INO80B: variants seen among roughly 807,000 people sequenced by gnomAD.
INO80B encodes the protein INO80 complex subunit B.
A neutral mutation model predicts 31.4 loss-of-function variants in INO80B; 18 were observed. That is an observed-to-expected ratio of 0.57 (90% CI 0.40 to 0.85). INO80B has a LOEUF of 0.85. Among genes scored for constraint, INO80B ranks in the 40% least tolerant of loss-of-function variants. The probability of loss-of-function intolerance (pLI) is 0.00; values close to 1 mark genes in which losing one functional copy is unlikely to be tolerated. For missense variants in INO80B, 469 were observed against 475.4 expected (o/e 0.99, Z 0.13); for synonymous variants, 238 against 199.0 (o/e 1.20, Z -1.65).
chr2:74,455,533 G>T lies in INO80B; in HGVS notation c.186G>T (p.Pro62=), dbSNP rs1436794224. The T allele has an allele frequency of 6.2e-7, 1 of 1,614,016 alleles. No homozygotes were observed. The highest frequency in any genetic ancestry group is 8.5e-7 in the Non-Finnish European group (1 of 1,180,032). ...HQEEDAGPTQ[P]SPAKPQLKLK... ...AAGAAGACGCCGGGCCCACGCAGCC[G>T]TCCCCTGCCAAGCCTCAGCTCAAAC... Residue 62 remains proline, a synonymous_variant, in exon 2 of 5, where the codon CCG becomes CCT. Coordinates refer to ENST00000233331, the MANE Select transcript of INO80B (RefSeq NM_031288.4).
At chr2:74,455,631 G>A (rs777860565) in intron 2 of INO80B, 33 bp downstream of exon 2, 16 of 1,570,756 alleles carry the variant, frequency 1.0e-5, no homozygotes, top group Admixed American at 3.9e-5. Flanking sequence ...TTTATAAGGG[G>A]AACTTTAGGA....
intron 4 of INO80B, among the ~76,000 whole-genome samples, chr2:74,457,028 C>T (rs1287155328): frequency 6.6e-6 from 1 of 152,188 alleles, no homozygotes; most frequent in East Asian, 1.9e-4. Context: ...CAACAGACCT[C>T]TGGGAAAGCT....
Position 74,457,442 on chromosome 2 carries a change from G to C in INO80B, c.649G>C (p.Glu217Gln), listed in dbSNP as rs778224578. 7 of 1,582,640 alleles carry C rather than the reference G, an allele frequency of 4.4e-6. No homozygotes were observed. The South Asian group carries it at 5.7e-5, about 13-fold the overall frequency. Residue 217 changes from glutamate to glutamine, a missense_variant, in exon 5 of 5, where the codon GAG becomes CAG. Glu to Gln is a conservative substitution (Grantham distance 29, BLOSUM62 2). This residue lies in a region of INO80B where 45 missense variants were observed against 70.3 expected (regional missense o/e 0.64). Transcript: ENST00000233331. ...ALTEEMLLKR[E>Q]ERARKRRLQA... Reference sequence around the variant, plus strand: ...CACAGAGGAGATGCTGCTGAAGCGCGAGGAGCGGGCGCGGAAGCGGCGGCT... The same window carrying C: ...CACAGAGGAGATGCTGCTGAAGCGCCAGGAGCGGGCGCGGAAGCGGCGGCT...
rs755184376 is a variant in INO80B, at chr2:74,457,759, C to T, written c.966C>T (p.Cys322=). 2 of 1,600,046 alleles carry T rather than the reference C, an allele frequency of 1.2e-6. No individual in the cohort carries two copies. The highest frequency in any genetic ancestry group is 1.7e-6 in the Non-Finnish European group (2 of 1,179,736). ...PGCPHPRRYA[C]SRTGQALCSL... ...GTCCCCATCCGCGCCGCTACGCTTG[C>T]TCCCGCACAGGCCAGGCACTCTGTA... The change falls in exon 5 of 5, where the codon TGC becomes TGT. Residue 322 remains cysteine, a synonymous_variant. Coordinates refer to ENST00000233331, the MANE Select transcript of INO80B (RefSeq NM_031288.4).
rs369882839 is a variant in INO80B at position 74,457,707 on chromosome 2, C to T, written c.914C>T (p.Pro305Leu). The change falls in exon 5 of 5, where the codon CCG becomes CTG. Residue 305 changes from proline to leucine, a missense_variant. Transcript: ENST00000233331. Reference protein sequence around the residue: ...AVSQRPSPSGPPPRCSVPGCP... With the variant: ...AVSQRPSPSGLPPRCSVPGCP... ...TCTCAGCGGCCATCCCCCTCAGGCC[C>T]GCCGCCGCGCTGCTCTGTCCCCGGC... is the stretch of plus-strand genomic sequence containing the variant. The T allele has an allele frequency of 5.2e-5, 83 of 1,599,828 alleles. No homozygotes were observed. The Admixed American group carries it at 6.8e-4, about 13-fold the overall frequency.
chr2:74,456,206 G>A lies in INO80B; in HGVS notation c.474G>A (p.Lys158=). Residue 158 remains lysine (K), a synonymous_variant, in exon 4 of 5, where the codon AAG becomes AAA. Transcript: ENST00000233331. ...AGAGGTGGCTGGATGCCCTGGAGAA[G>A]GGGGAGCTGGATGACAATGGAGACC... ...EEQRWLDALE[K]GELDDNGDLK... 1 of 1,614,150 alleles carries A rather than the reference G, an allele frequency of 6.2e-7. No individual in the cohort carries two copies. The highest frequency in any genetic ancestry group is 1.1e-5 in the South Asian group (1 of 91,084).
rs1457716480 is a variant in INO80B, at chr2:74,455,470, G to A, written c.123G>A (p.Lys41=). Residue 41 remains lysine, a synonymous_variant, in exon 2 of 5, where the codon AAG becomes AAA. Transcript: ENST00000233331. ...HGHGVHKKKH[K]KHKKKHKKKH... is the part of the protein sequence containing the mutation. ...ATGGAGTGCACAAGAAAAAACACAA[G>A]AAGCACAAGAAGAAACACAAGAAGA... 12 of 1,614,076 alleles carry A rather than the reference G, an allele frequency of 7.4e-6. No homozygotes were observed. Among genetic ancestry groups the A allele is most frequent in the East Asian group, 2.2e-5 (1 of 44,882 alleles).
intron 4 of INO80B, among the ~76,000 whole-genome samples, chr2:74,456,894 A>G (rs1671719919): frequency 1.3e-5 from 2 of 152,256 alleles, no homozygotes; most frequent in African/African-American, 4.8e-5. Flanking sequence ...AATTATGGCT[A>G]TATTTTGGAA....
intron 4 of INO80B, among the ~76,000 whole-genome samples, chr2:74,456,762 A>G (rs1422290253): frequency 1.3e-5 from 2 of 152,256 alleles, no homozygotes; most frequent in Non-Finnish European, 2.9e-5. Context: ...TAGAGAATGA[A>G]TCTTCGTGGA....
intron 4 of INO80B, 34 bp downstream of exon 4, chr2:74,456,306 T>C: frequency 6.2e-7 from 1 of 1,610,930 alleles, no homozygotes; most frequent in Non-Finnish European, 8.5e-7. Context: ...ACTCACCAAA[T>C]GTATACAGTA....
intron 4 of INO80B, among the ~76,000 whole-genome samples, 170 bp downstream of exon 4, chr2:74,456,442 A>G (rs1440643509): frequency 6.6e-6 from 1 of 152,252 alleles, no homozygotes; most frequent in African/African-American, 2.4e-5. Context: ...TGGGAAGTAA[A>G]TAAGTAAATA....
At chr2:74,456,598 A>T (rs535152409) in intron 4 of INO80B, among the ~76,000 whole-genome samples, 7 of 152,372 alleles carry the variant, frequency 4.6e-5, no homozygotes, top group African/African-American at 1.4e-4. Flanking sequence ...GCAATACCAG[A>T]AGAGCTTTTG....
At chr2:74,456,944 C>G (rs974658835) in intron 4 of INO80B, among the ~76,000 whole-genome samples, 36 of 152,138 alleles carry the variant, frequency 2.4e-4, no homozygotes, top group African/African-American at 8.4e-4. Context: ...GAAAATATAT[C>G]AAGGCTAAGC....
chr2:74,455,393 T>C lies in INO80B; in HGVS notation c.59-13T>C. The stretch of plus-strand genomic sequence containing the variant: ...CTCCGGCCAAACACTGTCGACAGGC[T>C]TTCCTTCCACAGGAGAAGCCCTGGA... On this transcript the variant is annotated splice_polypyrimidine_tract_variant and intron_variant, in intron 1 of 4. Transcript: ENST00000233331. 2 of 1,614,122 alleles carry C rather than the reference T, an allele frequency of 1.2e-6. No homozygotes were observed. Among genetic ancestry groups the C allele is most frequent in the South Asian group, 2.2e-5 (2 of 91,084 alleles).
rs1160538985 is a variant in INO80B, at chr2:74,455,090, T to A, written c.-27T>A. On this transcript the variant is annotated 5_prime_UTR_variant, in exon 1 of 5. Coordinates refer to ENST00000233331, the MANE Select transcript of INO80B (RefSeq NM_031288.4). ...CGTGTCTGCGTGTGTCCCAACCATT[T>A]CTAGTCCCCTTTCCTCGCAGGACCT... is the stretch of plus-strand genomic sequence containing the variant. 3 of 1,613,506 alleles carry A rather than the reference T, an allele frequency of 1.9e-6. No homozygotes were observed. The highest frequency in any genetic ancestry group is 2.5e-6 in the Non-Finnish European group (3 of 1,179,530).
Position 74,457,594 on chromosome 2 carries a change from G to A in INO80B, c.801G>A (p.Ala267=). ...GCGAGCGGCGGGGAGGGCGGGCTGC[G>A]GCTCCGGCCCCCATGGTGCGCTACT... ...ARGERRGGRA[A]APAPMVRYCS... is the part of the protein sequence containing the mutation. The change falls in exon 5 of 5, where the codon GCG becomes GCA. Residue 267 remains alanine (A), a synonymous_variant. Coordinates refer to ENST00000233331, the MANE Select transcript of INO80B (RefSeq NM_031288.4). 1 of 1,530,318 alleles carries A rather than the reference G, an allele frequency of 6.5e-7. No homozygotes were observed. Among genetic ancestry groups the A allele is most frequent in the African/African-American group, 1.4e-5 (1 of 71,818 alleles). The allele number at this position is 1,530,318 out of a possible 1,614,324, so 94.8% of individuals were successfully genotyped here.
At chr2:74,457,237 C>T (rs1671727449) in intron 4 of INO80B, 97 bp from the exon 5 acceptor site, 1 of 1,324,612 alleles carries the variant, frequency 7.5e-7, no homozygotes, top group South Asian at 1.4e-5. Flanking sequence ...AAGACCCTGC[C>T]TTCCATGTCC....
In INO80B at chr2:74,455,426, C is replaced by T. The variant is rs780510155; in HGVS notation, c.79C>T (p.Leu27=). 1.2e-6 allele frequency: 2 copies of T among 1,614,140 alleles called. No individual in the cohort carries two copies. The highest frequency in any genetic ancestry group is 2.2e-5 in the South Asian group (2 of 91,080). ...CACAGGAGAAGCCCTGGAGTTGAGC[C>T]TGGCGGGTGCCCATGGCCATGGAGT... ...PEPGEALELS[L]AGAHGHGVHK... Residue 27 remains leucine (L), a synonymous_variant, in exon 2 of 5, where the codon CTG becomes TTG. Transcript: ENST00000233331.
Position 74,457,372 on chromosome 2 carries a change from T to G in INO80B, c.579T>G (p.Pro193=). 6.2e-7 allele frequency: 1 copy of G among 1,608,536 alleles called. No homozygotes were observed. Among genetic ancestry groups the G allele is most frequent in the Non-Finnish European group, 8.5e-7 (1 of 1,178,004 alleles). Reference sequence around the variant, plus strand: ...AGAAGGCGCGGAGTCAACCTTCCCCTATGCTGCCGCTGCCTGTAGCTGAGG... The same window carrying G: ...AGAAGGCGCGGAGTCAACCTTCCCCGATGCTGCCGCTGCCTGTAGCTGAGG... The part of the protein sequence containing the change: ...LLQKARSQPS[P]MLPLPVAEGC... The change falls in exon 5 of 5, where the codon CCT becomes CCG. Residue 193 remains proline (P), a synonymous_variant. Transcript: ENST00000233331.
Sources: gnomAD v4.1 joint callset for allele counts (sites outside exome capture counted in the v4.1 genomes callset) on GRCh38, gnomAD v4.1.1 for gene constraint, gnomAD v4.1.1 regional missense constraint, MANE v1.5 for transcripts, NCBI Gene and HGNC (gene_info 2026-07-23, HGNC 2026-07-21) for gene names.